CDKAL1: variants seen among roughly 807,000 people sequenced by gnomAD.
CDKAL1 encodes CDKAL1 threonylcarbamoyladenosine tRNA methylthiotransferase.
CDKAL1 carries 32 observed loss-of-function variants against 68.2 expected under a neutral mutation model. The ratio of observed to expected loss-of-function variants is 0.47; its 90% CI spans 0.35 to 0.63. The LOEUF (loss-of-function observed/expected upper bound fraction) is 0.63, where lower values mean the gene tolerates loss of function less well. Ranked by LOEUF, CDKAL1 falls within the 30% of genes least tolerant of loss-of-function variation. The probability of loss-of-function intolerance (pLI) is 0.00; values close to 1 mark genes in which losing one functional copy is unlikely to be tolerated. For synonymous variants in CDKAL1, 234 were observed against 244.3 expected (o/e 0.96, Z 0.39); for missense variants, 606 against 696.7 (o/e 0.87, Z 1.47).
At chr6:20,877,298 G>T (rs1459157783) in intron 9 of CDKAL1, among the ~76,000 whole-genome samples, 3 of 152,224 alleles carry the variant, frequency 2.0e-5, no homozygotes, top group African/African-American at 7.2e-5. Flanking sequence ...GGACAGATTT[G>T]TGAACGTCAT....
chr6:21,018,294 T>A (rs1487799510), intron 11 of CDKAL1, among the ~76,000 whole-genome samples: 1 of 152,196 alleles, frequency 6.6e-6, no homozygotes, highest in Non-Finnish European at 1.5e-5. Flanking sequence ...GGAAAATAAA[T>A]GTAATAATTT....
rs1363928708 is a variant in CDKAL1 at position 21,231,970 on chromosome 6, C to G, written c.*931C>G. ...GTCGAAAACTAATTGTGCCCATTTT[C>G]TCACATTTTTGATCCATTGGGGTTT... On this transcript the variant is annotated 3_prime_UTR_variant, in exon 16 of 16. Transcript: ENST00000274695. 2.1e-5 allele frequency: 3 copies of G among 143,424 alleles called. No individual in the cohort carries two copies. Among genetic ancestry groups the G allele is most frequent in the Non-Finnish European group, 4.6e-5 (3 of 65,150 alleles). 8.9% of individuals were successfully genotyped at this position (143,424 alleles called of 1,614,324 possible).
chr6:20,881,477 G>A (rs980223447), intron 9 of CDKAL1, among the ~76,000 whole-genome samples: 3 of 152,138 alleles, frequency 2.0e-5, no homozygotes, highest in African/African-American at 7.2e-5. Flanking sequence ...ACTCTTCTGT[G>A]AATGGACTCT....
chr6:20,780,792 GC>G (rs1435526048), intron 7 of CDKAL1, among the ~76,000 whole-genome samples: 1 of 151,022 alleles, frequency 6.6e-6, no homozygotes, highest in Non-Finnish European at 1.5e-5. Flanking sequence ...TCCTGCCTCA[GC>G]CTCCTGAGTA....
chr6:20,689,464 G>C (rs768921738), intron 5 of CDKAL1, among the ~76,000 whole-genome samples: 2 of 152,144 alleles, frequency 1.3e-5, no homozygotes, highest in Non-Finnish European at 2.9e-5. Flanking sequence ...GATTTGCCTG[G>C]TGACCTCAAT....
chr6:20,626,725 T>C (rs558392468), intron 4 of CDKAL1, among the ~76,000 whole-genome samples: 3 of 152,330 alleles, frequency 2.0e-5, no homozygotes, highest in East Asian at 3.9e-4. Context: ...TGTAATTTTC[T>C]TGGCCTTTCC....
intron 5 of CDKAL1, among the ~76,000 whole-genome samples, chr6:20,666,134 C>T (rs897882620): frequency 6.6e-6 from 1 of 151,926 alleles, no homozygotes; most frequent in African/African-American, 2.4e-5. Context: ...TTACATTAGG[C>T]AACATAATTA....
chr6:20,610,312 G>A (rs1766561956), intron 4 of CDKAL1, among the ~76,000 whole-genome samples: 1 of 152,122 alleles, frequency 6.6e-6, no homozygotes, highest in South Asian at 2.1e-4. Context: ...GGATTGCTGG[G>A]TTGAATGGTA....
intron 9 of CDKAL1, among the ~76,000 whole-genome samples, chr6:20,913,141 A>G (rs905320691): frequency 1.3e-5 from 2 of 150,184 alleles, no homozygotes; most frequent in Non-Finnish European, 3.0e-5. Context: ...ACACACACAC[A>G]CACACACACA....
At chr6:20,873,420 G>A (rs1258881113) in intron 9 of CDKAL1, among the ~76,000 whole-genome samples, 1 of 152,044 alleles carries the variant, frequency 6.6e-6, no homozygotes, top group Non-Finnish European at 1.5e-5. Flanking sequence ...ATATATTGAG[G>A]ACTTCTTACA....
intron 12 of CDKAL1, among the ~76,000 whole-genome samples, chr6:21,087,826 A>T (rs924178539): frequency 5.9e-5 from 9 of 152,316 alleles, no homozygotes; most frequent in Non-Finnish European, 1.0e-4. Flanking sequence ...TTCCTAGAAA[A>T]AAAACAAATT....
intron 4 of CDKAL1, among the ~76,000 whole-genome samples, chr6:20,579,786 G>A (rs965534041): frequency 2.0e-5 from 3 of 152,160 alleles, no homozygotes; most frequent in Admixed American, 6.5e-5. Context: ...GATGCTGGTT[G>A]AGTATTTCAA....
At chr6:20,623,680 G>C (rs1287948959) in intron 4 of CDKAL1, among the ~76,000 whole-genome samples, 2 of 152,066 alleles carry the variant, frequency 1.3e-5, no homozygotes, top group African/African-American at 2.4e-5. Flanking sequence ...TGGTTCCTAA[G>C]TCATGGTTTC....
At chr6:20,965,417 AGAGGGGAGGG>A (rs1247434805) in intron 10 of CDKAL1, among the ~76,000 whole-genome samples, 4 of 73,922 alleles carry the variant, frequency 5.4e-5, no homozygotes, top group Admixed American at 2.0e-4. Flanking sequence ...CACTGTATCG[AGAGGGGAGGG>A]GAGGGGAGGG....
At chr6:21,030,723 A>G (rs1453571913) in intron 11 of CDKAL1, among the ~76,000 whole-genome samples, 1 of 152,010 alleles carries the variant, frequency 6.6e-6, no homozygotes, top group Non-Finnish European at 1.5e-5. Context: ...TTTTATTTGT[A>G]TTTCTTTATT....
At chr6:20,902,752 G>C (rs903420354) in intron 9 of CDKAL1, among the ~76,000 whole-genome samples, 1 of 152,156 alleles carries the variant, frequency 6.6e-6, no homozygotes, top group Non-Finnish European at 1.5e-5. Context: ...AAAAGGGAGA[G>C]ATAGAAAAGC....
At chr6:21,027,490 C>A (rs1366113170) in intron 11 of CDKAL1, among the ~76,000 whole-genome samples, 1 of 152,180 alleles carries the variant, frequency 6.6e-6, no homozygotes, top group Non-Finnish European at 1.5e-5. Context: ...CTTCAAAATT[C>A]ATGTTGAAAT....
At chr6:20,845,940 G>C (rs924597339) in intron 8 of CDKAL1, 135 bp from the exon 9 acceptor site, 1 of 519,306 alleles carries the variant, frequency 1.9e-6, no homozygotes, top group South Asian at 3.4e-5. Context: ...GTAGATACTT[G>C]GTTTTTGAAT....
chr6:20,825,257 A>G (rs1260884984), intron 8 of CDKAL1, among the ~76,000 whole-genome samples: 2 of 151,976 alleles, frequency 1.3e-5, no homozygotes, highest in African/African-American at 2.4e-5. Context: ...TTCCCCATAT[A>G]TATTTTATAT....
Sources: allele counts gnomAD v4.1 joint callset (sites outside exome capture counted in the v4.1 genomes callset), GRCh38; gene constraint gnomAD v4.1.1; transcripts MANE v1.5; gene names NCBI Gene and HGNC (gene_info 2026-07-23, HGNC 2026-07-21).